The following TMEM74 variants were observed in gnomAD, a reference collection of about 807,000 sequenced individuals.
TMEM74 encodes transmembrane protein 74.
A neutral mutation model predicts 18.1 loss-of-function variants in TMEM74; 13 were observed. The ratio of observed to expected loss-of-function variants is 0.72; its 90% CI spans 0.47 to 1.14. TMEM74 has a LOEUF of 1.14. TMEM74 is among the 50% of genes most tolerant of loss of function. TMEM74 has a pLI of 0.00. For synonymous variants in TMEM74, 159 were observed against 146.6 expected (o/e 1.08, Z -0.61); for missense variants, 372 against 375.9 (o/e 0.99, Z 0.09).
At chr8:108,616,785 A>G (rs756556212) in intron 2 of TMEM74, among the ~76,000 whole-genome samples, 1 of 152,062 alleles carries the variant, frequency 6.6e-6, no homozygotes, top group Non-Finnish European at 1.5e-5. Context: ...AGTTTCACAT[A>G]GTTGTTGCTC....
chr8:108,627,540 T>C lies in TMEM74; in HGVS notation n.265-18714A>G, dbSNP rs146486412. On this transcript the variant is annotated intron_variant and non_coding_transcript_variant, in intron 2 of 3. Coordinates refer to the TMEM74 transcript ENST00000518838. ...TCCTAGCACAGTGCCTGTTATACAG[T>C]AAGCACTCAATAGAGTTTAACCATT... Among the ~76,000 whole-genome samples the C allele has an allele frequency of 6.3e-3, 963 of 152,168 alleles. 14 individuals carry two copies. The highest frequency in any genetic ancestry group is 0.022 in the African/African-American group (918 of 41,548).
chr8:108,779,524 G>A lies in TMEM74; in HGVS notation c.*4657C>T, dbSNP rs999357294. On this transcript the variant is annotated 3_prime_UTR_variant, in exon 2 of 2. Transcript: ENST00000297459. The stretch of plus-strand genomic sequence containing the variant: ...CACTCTCATGAGCCTGAAATTGAGA[G>A]GTTAAAAAACAAATTAATAAATATT... Among the ~76,000 whole-genome samples, 1 of 152,032 alleles carries A rather than the reference G, an allele frequency of 6.6e-6. No individual in the cohort carries two copies. The highest frequency in any genetic ancestry group is 6.6e-5 in the Admixed American group (1 of 15,248).
intron 1 of TMEM74, among the ~76,000 whole-genome samples, chr8:108,708,183 A>G (rs376174250): frequency 5.3e-5 from 8 of 151,288 alleles, no homozygotes; most frequent in East Asian, 1.9e-4. Context: ...AGCTCCACTC[A>G]TGTTGCTGCA....
intron 1 of TMEM74, among the ~76,000 whole-genome samples, chr8:108,739,774 A>C (rs1813781405): frequency 6.6e-6 from 1 of 151,884 alleles, no homozygotes; most frequent in Non-Finnish European, 1.5e-5. Context: ...TAGCTTGGGG[A>C]CTGGGAGCCT....
chr8:108,753,625 T>A (rs1813926319), intron 1 of TMEM74, among the ~76,000 whole-genome samples: 1 of 152,138 alleles, frequency 6.6e-6, no homozygotes, highest in South Asian at 2.1e-4. Context: ...AGATCCAGTT[T>A]GCCTATTCCA....
chr8:108,608,566 G>T (rs1045369197), intron 3 of TMEM74, among the ~76,000 whole-genome samples: 2 of 152,124 alleles, frequency 1.3e-5, no homozygotes, highest in African/African-American at 4.8e-5. Flanking sequence ...AAATAGAATT[G>T]CTCCTGCTGG....
intron 1 of TMEM74, among the ~76,000 whole-genome samples, chr8:108,715,186 T>G (rs1013778357): frequency 1.3e-5 from 2 of 152,244 alleles, no homozygotes; most frequent in Middle Eastern, 3.4e-3. Context: ...GTTTAGTGAT[T>G]TATATCATAT....
intron 1 of TMEM74, among the ~76,000 whole-genome samples, chr8:108,657,862 ATATATATATATAT>A (rs1563742276): frequency 0.024 from 1,146 of 48,372 alleles, 78 homozygotes; most frequent in African/African-American, 0.036. Context: ...AAAAAAAAAT[ATATATATATATAT>A]ATATATATAT....
exon 4 of TMEM74, chr8:108,607,349 A>G (rs1400296453): frequency 6.6e-6 from 1 of 152,240 alleles, no homozygotes; most frequent in Non-Finnish European, 1.5e-5. Flanking sequence ...ATTGGCGTAA[A>G]ATGCACAATA....
chr8:108,766,875 T>G (rs3019892), intron 1 of TMEM74, among the ~76,000 whole-genome samples: 39,566 of 152,022 alleles, frequency 0.26, 5,587 homozygotes, highest in Middle Eastern at 0.33. Flanking sequence ...GCTGAAGAAG[T>G]TGGAGTGTGA....
chr8:108,706,785 G>GTGTGTGTGTGTA (rs761576140), intron 1 of TMEM74, among the ~76,000 whole-genome samples: 5,086 of 151,112 alleles, frequency 0.034, 288 homozygotes, highest in African/African-American at 0.12. Flanking sequence ...GGGTGTGTGT[G>GTGTGTGTGTGTA]TGTGTGTGTG....
rs1283223577 is a variant in TMEM74, at chr8:108,756,650, G to GAAAGAGAA, written n.119+30825_119+30826insTTCTCTTT. 3.7e-4 allele frequency among the ~76,000 whole-genome samples: 10 copies of GAAAGAGAA among 27,112 alleles called. 1 individual carries two copies. The highest frequency in any genetic ancestry group is 7.6e-4 in the African/African-American group (5 of 6,614). 17.8% of individuals were successfully genotyped at this position (27,112 alleles called of 152,430 possible). A position where few individuals can be genotyped will look rare whatever the true frequency, so the allele number is the denominator to read the frequency against. On this transcript the variant is annotated intron_variant and non_coding_transcript_variant, in intron 1 of 3. Transcript: ENST00000518838. The stretch of plus-strand genomic sequence containing the variant: ...AGGAAGGAAGGAAGGAAGAAAGAAA[G>GAAAGAGAA]AGAAAGAAAGAAAGAAAGAAAGAAA...
intron 2 of TMEM74, among the ~76,000 whole-genome samples, chr8:108,611,720 C>A (rs1812335771): frequency 6.6e-6 from 1 of 152,178 alleles, no homozygotes; most frequent in South Asian, 2.1e-4. Context: ...AATAGTGTGA[C>A]TAAATTTTTC....
intron 1 of TMEM74, among the ~76,000 whole-genome samples, chr8:108,697,945 A>C (rs968672020): frequency 3.3e-5 from 5 of 152,134 alleles, no homozygotes; most frequent in African/African-American, 1.2e-4. Flanking sequence ...AATCTTTCTC[A>C]AGATGACCTA....
At chr8:108,646,802 A>T (rs895391154) in intron 2 of TMEM74, among the ~76,000 whole-genome samples, 1 of 152,192 alleles carries the variant, frequency 6.6e-6, no homozygotes, top group African/African-American at 2.4e-5. Context: ...AACTCAGGTT[A>T]TAAAAATATC....
In TMEM74 at chr8:108,785,135, A is replaced by AG; in HGVS notation, c.-38dup. ...AGACATCCCCCAGCAGCTTCCGGAA[A>AG]GTCTGCCAATAGCAACAGAGTTAGA... is the stretch of plus-strand genomic sequence containing the variant. On this transcript the variant is annotated splice_region_variant and 5_prime_UTR_variant, in exon 2 of 2. Transcript: ENST00000297459. 1 of 1,539,528 alleles carries AG rather than the reference A, an allele frequency of 6.5e-7. No homozygotes were observed. The highest frequency in any genetic ancestry group is 8.7e-7 in the Non-Finnish European group (1 of 1,147,824).
intron 1 of TMEM74, among the ~76,000 whole-genome samples, chr8:108,761,364 G>A (rs1339127195): frequency 2.1e-4 from 32 of 151,110 alleles, no homozygotes; most frequent in Admixed American, 2.1e-3. Context: ...AAAGAGATCT[G>A]CACAGAGGAT....
intron 1 of TMEM74, among the ~76,000 whole-genome samples, chr8:108,737,217 T>G (rs1213616192): frequency 3.3e-5 from 5 of 152,270 alleles, no homozygotes; most frequent in African/African-American, 1.2e-4. Flanking sequence ...ACCTTAAATC[T>G]TAGTCTTTTC....
chr8:108,650,343 C>A (rs1812761282), intron 2 of TMEM74, among the ~76,000 whole-genome samples: 1 of 152,198 alleles, frequency 6.6e-6, no homozygotes, highest in Admixed American at 6.5e-5. Context: ...CACCTGCAAT[C>A]TATTCTCAAC....
Sources: gnomAD v4.1 joint callset for allele counts (sites outside exome capture counted in the v4.1 genomes callset) on GRCh38, gnomAD v4.1.1 for gene constraint, MANE v1.5 for transcripts, NCBI Gene and HGNC (gene_info 2026-07-23, HGNC 2026-07-21) for gene names.